The following STXBP5 variants were observed in gnomAD, a reference collection of about 807,000 sequenced individuals.
STXBP5 encodes the protein syntaxin-binding protein 5.
A neutral mutation model predicts 152.4 loss-of-function variants in STXBP5; 50 were observed. The observed-to-expected ratio is 0.33, with a 90% CI of 0.26 to 0.42. The LOEUF (loss-of-function observed/expected upper bound fraction) is 0.42. STXBP5 is among the 10% of genes least tolerant of loss of function. The pLI, the probability that STXBP5 is intolerant of heterozygous loss-of-function variation, is 1.00. For missense variants in STXBP5, 1,167 were observed against 1,388.6 expected, an observed-to-expected ratio of 0.84 and a Z score of 2.54; for synonymous variants, 492 against 494.7, an observed-to-expected ratio of 0.99 and a Z score of 0.07.
rs756479778 is a variant in STXBP5 at position 147,216,706 on chromosome 6, TAAATG to T, written c.248+10645_248+10649del. 4.5e-4 allele frequency among the ~76,000 whole-genome samples: 68 copies of T among 152,302 alleles called. 1 individual carries two copies. Among genetic ancestry groups the T allele is most frequent in the Admixed American group, 6.5e-5 (1 of 15,296 alleles). ...TATGTAAAAATATATATATGACAAA[TAAATG>T]AAATGATAACATGCTGAGCATATTT... On this transcript the variant is annotated intron_variant, in intron 2 of 27. Transcript: ENST00000321680.
chr6:147,359,432 A>T, intron 23 of STXBP5, 109 bp downstream of exon 23: 12 of 1,368,046 alleles, frequency 8.8e-6, no homozygotes, highest in South Asian at 3.2e-5. Flanking sequence ...ATGTAAAGTA[A>T]ATGGGGACAG....
At chr6:147,234,688 A>G (rs1470171722) in intron 2 of STXBP5, among the ~76,000 whole-genome samples, 1 of 151,984 alleles carries the variant, frequency 6.6e-6, no homozygotes, top group Non-Finnish European at 1.5e-5. Context: ...TGCCTGTAGT[A>G]AAAGATTGAC....
intron 18 of STXBP5, among the ~76,000 whole-genome samples, chr6:147,329,234 A>G (rs917728615): frequency 2.0e-5 from 3 of 148,220 alleles, no homozygotes; most frequent in Non-Finnish European, 4.5e-5. Flanking sequence ...TATTTTATTT[A>G]TATTATTTTT....
chr6:147,312,516 G>T (rs1286696395), intron 11 of STXBP5, among the ~76,000 whole-genome samples: 1 of 152,260 alleles, frequency 6.6e-6, no homozygotes, highest in Non-Finnish European at 1.5e-5. Context: ...GATCTCTGTG[G>T]AAACCTTTTC....
Position 147,251,364 on chromosome 6 carries a change from C to T in STXBP5, c.432-9251C>T, listed in dbSNP as rs952785917. Reference sequence around the variant, plus strand: ...GGTTTCCAGCACAAAACTGGCCGGCCGTTTGGGCAGATACCGAGCTAGCTA... The same window carrying T: ...GGTTTCCAGCACAAAACTGGCCGGCTGTTTGGGCAGATACCGAGCTAGCTA... On this transcript the variant is annotated intron_variant, in intron 4 of 27. Transcript: ENST00000321680. Among the ~76,000 whole-genome samples the T allele has an allele frequency of 1.1e-4, 17 of 152,238 alleles. 1 individual carries two copies. The East Asian group carries it at 1.5e-3, about 14-fold the overall frequency.
At chr6:147,247,199 T>A (rs942625938) in intron 4 of STXBP5, among the ~76,000 whole-genome samples, 3 of 152,220 alleles carry the variant, frequency 2.0e-5, no homozygotes, top group Non-Finnish European at 4.4e-5. Context: ...AATCACAGTA[T>A]TGAAACAAAG....
At position 147,305,805 on chromosome 6, in the gene STXBP5, T is replaced by TA. The variant is rs1324708725; in HGVS notation, c.918-4278dup. Among the ~76,000 whole-genome samples, 4 of 152,306 alleles carry TA rather than the reference T, an allele frequency of 2.6e-5. No homozygotes were observed. In the East Asian group the frequency reaches 7.7e-4, roughly 29 times the overall value. ...AGAGTGGTAAAGTTTAGGTATTAGT[T>TA]ACCAGGTAGCTCTCAAGAGCTAAGG... On this transcript the variant is annotated intron_variant, in intron 9 of 27. Coordinates refer to ENST00000321680, the MANE Select transcript of STXBP5 (RefSeq NM_001127715.4).
chr6:147,216,373 T>C (rs1777168431), intron 2 of STXBP5, among the ~76,000 whole-genome samples: 2 of 152,206 alleles, frequency 1.3e-5, no homozygotes, highest in African/African-American at 2.4e-5. Context: ...GCCTGAGCGA[T>C]AGAGTGAGAC....
chr6:147,268,087 A>T (rs1005403756), intron 7 of STXBP5, among the ~76,000 whole-genome samples: 1 of 152,136 alleles, frequency 6.6e-6, no homozygotes, highest in Non-Finnish European at 1.5e-5. Flanking sequence ...GGTTTCCATG[A>T]TGACCAATTT....
At chr6:147,250,589 C>T (rs1779035513) in intron 4 of STXBP5, among the ~76,000 whole-genome samples, 3 of 151,986 alleles carry the variant, frequency 2.0e-5, no homozygotes, top group African/African-American at 7.3e-5. Context: ...GGAACCAATC[C>T]CCCATGGATA....
Position 147,314,557 on chromosome 6 carries a change from T to A in STXBP5, c.1362-39T>A, listed in dbSNP as rs373817710. The A allele has an allele frequency of 5.6e-5, 89 of 1,596,038 alleles. 1 individual carries two copies. The East Asian group carries it at 1.2e-3, about 21-fold the overall frequency. ...TACCCATTTAAAGAAGGAAGAACTG[T>A]AATTTTATTCATCACATTCTTAACA... is the stretch of plus-strand genomic sequence containing the variant. On this transcript the variant is annotated intron_variant, in intron 13 of 27. Transcript: ENST00000321680.
intron 6 of STXBP5, among the ~76,000 whole-genome samples, chr6:147,265,786 G>A (rs746066660): frequency 2.8e-4 from 43 of 151,996 alleles, no homozygotes; most frequent in Admixed American, 2.6e-3. Flanking sequence ...TGTGTGTTAC[G>A]TTAGAGGTAT....
At chr6:147,298,568 G>C (rs1242399127) in intron 9 of STXBP5, among the ~76,000 whole-genome samples, 1 of 152,036 alleles carries the variant, frequency 6.6e-6, no homozygotes, top group Non-Finnish European at 1.5e-5. Context: ...CTTGAGGAGA[G>C]ATCATATGTT....
At chr6:147,223,493 A>T (rs1477783833) in intron 2 of STXBP5, among the ~76,000 whole-genome samples, 2 of 152,226 alleles carry the variant, frequency 1.3e-5, no homozygotes, top group Non-Finnish European at 2.9e-5. Context: ...TCAATTAGAA[A>T]AAAAGGAAAT....
At chr6:147,297,489 T>C (rs1781585828) in intron 9 of STXBP5, among the ~76,000 whole-genome samples, 1 of 152,102 alleles carries the variant, frequency 6.6e-6, no homozygotes, top group Non-Finnish European at 1.5e-5. Flanking sequence ...AGCAGGTAAT[T>C]ACTGTCATGA....
At chr6:147,316,197 G>A (rs767556971) in intron 15 of STXBP5, 32 bp from the exon 16 acceptor site, 16 of 1,583,088 alleles carry the variant, frequency 1.0e-5, no homozygotes, top group Non-Finnish European at 1.3e-5. Context: ...ATAATTATTA[G>A]GAGTAAGTAA....
chr6:147,282,604 G>A (rs367794790), intron 8 of STXBP5, among the ~76,000 whole-genome samples: 1 of 152,144 alleles, frequency 6.6e-6, no homozygotes, highest in East Asian at 1.9e-4. Flanking sequence ...CATAGATTCT[G>A]CATCTCTGTA....
At chr6:147,215,241 G>A (rs1409098136) in intron 2 of STXBP5, among the ~76,000 whole-genome samples, 1 of 152,204 alleles carries the variant, frequency 6.6e-6, no homozygotes, top group African/African-American at 2.4e-5. Flanking sequence ...AGCCTGACTT[G>A]TTTTTAAAGG....
In STXBP5 at chr6:147,359,305, G is replaced by A. The variant is rs1346101466; in HGVS notation, c.2527G>A (p.Val843Ile). ...GGGAGAGCAAAGACTTCTTCAGCCAGTAATTGTGTCTCCAAGTGGTATGTA... is the reference window on the plus strand; with the variant it reads ...GGGAGAGCAAAGACTTCTTCAGCCAATAATTGTGTCTCCAAGTGGTATGTA... The part of the protein sequence containing the change: ...PGGEQRLLQP[V>I]IVSPSGTILR... Residue 843 changes from valine to isoleucine, a missense_variant, in exon 23 of 28, where the codon GTA becomes ATA. Val to Ile is a conservative substitution (Grantham distance 29). Transcript: ENST00000321680. 2 of 1,613,526 alleles carry A rather than the reference G, an allele frequency of 1.2e-6. No individual in the cohort carries two copies. The highest frequency in any genetic ancestry group is 2.7e-5 in the African/African-American group (2 of 74,916).
Sources: allele counts gnomAD v4.1 joint callset (sites outside exome capture counted in the v4.1 genomes callset), GRCh38; gene constraint gnomAD v4.1.1; transcripts MANE v1.5; gene names NCBI Gene and HGNC (gene_info 2026-07-23, HGNC 2026-07-21).